Variants in DENND2A observed in about 807,000 individuals in gnomAD.
DENND2A encodes DENN domain-containing protein 2A.
DENND2A carries 53 observed loss-of-function variants against 105.3 expected under a neutral mutation model. That is an observed-to-expected ratio of 0.50 (90% confidence interval 0.40 to 0.63). The LOEUF (loss-of-function observed/expected upper bound fraction) is 0.63. Among genes scored for constraint, DENND2A ranks in the 30% least tolerant of loss-of-function variants. DENND2A has a pLI of 0.00. For missense variants in DENND2A, 1,138 were observed against 1,279.6 expected (o/e 0.89, Z 1.69); for synonymous variants, 522 against 508.4 (o/e 1.03, Z -0.36).
intron 5 of DENND2A, among the ~76,000 whole-genome samples, chr7:140,576,267 TA>T (rs150800586): frequency 0.036 from 5,539 of 152,220 alleles, 344 homozygotes; most frequent in African/African-American, 0.12. Context: ...AATAACTTTT[TA>T]TATGAAAATG....
chr7:140,634,191 G>A (rs1173323156), intron 1 of DENND2A, among the ~76,000 whole-genome samples: 1 of 151,754 alleles, frequency 6.6e-6, no homozygotes, highest in Non-Finnish European at 1.5e-5. Flanking sequence ...GTAGAGACGG[G>A]GTTTCACCGT....
intron 1 of DENND2A, among the ~76,000 whole-genome samples, chr7:140,615,419 AC>A (rs1316344275): frequency 6.6e-6 from 1 of 152,206 alleles, no homozygotes; most frequent in East Asian, 1.9e-4. Context: ...CTGTGCCTGC[AC>A]AAAAGCACCG....
chr7:140,597,260 G>T (rs993719011), intron 3 of DENND2A, among the ~76,000 whole-genome samples: 2 of 152,140 alleles, frequency 1.3e-5, no homozygotes, highest in African/African-American at 4.8e-5. Context: ...ATTCTCTAAG[G>T]CACACACAGC....
At chr7:140,572,751 C>CAAAAAAA (rs59174097) in intron 6 of DENND2A, among the ~76,000 whole-genome samples, 1 of 58,876 alleles carries the variant, frequency 1.7e-5, no homozygotes, top group Non-Finnish European at 3.6e-5. Flanking sequence ...GAAACTCTGT[C>CAAAAAAA]AAAAAAAAAA....
At chr7:140,583,722 G>T (rs1798643486) in intron 5 of DENND2A, among the ~76,000 whole-genome samples, 1 of 149,800 alleles carries the variant, frequency 6.7e-6, no homozygotes, top group Non-Finnish European at 1.5e-5. Context: ...AAGGTCAGGA[G>T]ATCGAGACCA....
intron 10 of DENND2A, among the ~76,000 whole-genome samples, chr7:140,558,704 A>C (rs1366106500): frequency 6.6e-6 from 1 of 151,430 alleles, no homozygotes; most frequent in Non-Finnish European, 1.5e-5. Flanking sequence ...TCAAAAAAAA[A>C]AAAAAAAAAA....
chr7:140,591,639 T>TCCCC, intron 3 of DENND2A, among the ~76,000 whole-genome samples: 1 of 148,822 alleles, frequency 6.7e-6, no homozygotes, highest in African/African-American at 2.6e-5. Context: ...GTTCTTTATT[T>TCCCC]TCCCTCCCTT....
chr7:140,615,860 T>C (rs1297078750), intron 1 of DENND2A, among the ~76,000 whole-genome samples: 1 of 151,936 alleles, frequency 6.6e-6, no homozygotes, highest in African/African-American at 2.4e-5. Context: ...GGCCTACATA[T>C]CATTTTTCTT....
At position 140,616,613 on chromosome 7, in the gene DENND2A, A is replaced by G. The variant is rs575815312; in HGVS notation, c.-247-10807T>C. ...AAGTGAATTATATCCCAATAAAGCCATTATTTAAAAAAAAGAATCGGCAGG... is the reference window on the plus strand; with the variant it reads ...AAGTGAATTATATCCCAATAAAGCCGTTATTTAAAAAAAAGAATCGGCAGG... On this transcript the variant is annotated intron_variant, in intron 1 of 19. Transcript: ENST00000496613. Among the ~76,000 whole-genome samples, 23 of 152,308 alleles carry G rather than the reference A, an allele frequency of 1.5e-4. No individual in the cohort carries two copies. The South Asian group carries it at 4.6e-3, about 30-fold the overall frequency.
intron 1 of DENND2A, among the ~76,000 whole-genome samples, chr7:140,632,375 G>GA (rs1800761918): frequency 6.6e-6 from 1 of 152,084 alleles, no homozygotes. Flanking sequence ...ATGTGGATAA[G>GA]AAAGGTGGTG....
chr7:140,534,539 C>G (rs1796393039), intron 14 of DENND2A, among the ~76,000 whole-genome samples: 1 of 152,162 alleles, frequency 6.6e-6, no homozygotes, highest in South Asian at 2.1e-4. Context: ...ATCCCTGATG[C>G]AAGTGGTAAT....
In DENND2A at chr7:140,602,435, G is replaced by A. The variant is rs557441483; in HGVS notation, c.-38C>T. The A allele has an allele frequency of 2.0e-6, 3 of 1,511,830 alleles. No homozygotes were observed. The highest frequency in any genetic ancestry group is 1.3e-5 in the South Asian group (1 of 76,518). 93.7% of individuals were successfully genotyped at this position (1,511,830 alleles called of 1,614,324 possible). A position where few individuals can be genotyped will look rare whatever the true frequency, so the allele number is the denominator to read the frequency against. On this transcript the variant is annotated 5_prime_UTR_variant, in exon 3 of 20. Transcript: ENST00000496613. ...CGTGAGGTTGTGGAGGCCTTCCAGG[G>A]GACTCCTTCTGAAGCCTGACTCCTG...
At chr7:140,539,057 C>T (rs2130504342) in intron 14 of DENND2A, among the ~76,000 whole-genome samples, 1 of 152,312 alleles carries the variant, frequency 6.6e-6, no homozygotes, top group African/African-American at 2.4e-5. Flanking sequence ...CTCCTGGCCT[C>T]AAGCAATCCA....
rs1229617328 is a variant in DENND2A at position 140,567,050 on chromosome 7, C to A, written c.1779+36G>T. The A allele has an allele frequency of 4.6e-6, 7 of 1,526,032 alleles. No homozygotes were observed. In the South Asian group the frequency reaches 6.3e-5, roughly 14 times the overall value. The allele number at this position is 1,526,032 out of a possible 1,614,324, so 94.5% of individuals were successfully genotyped here. The stretch of plus-strand genomic sequence containing the variant: ...AGTCCCAACAAGGTGATGGTTAGAA[C>A]CCTGGCAGGCCACAGGGACCTGGCC... On this transcript the variant is annotated intron_variant, in intron 9 of 19. Coordinates refer to ENST00000496613, the MANE Select transcript of DENND2A (RefSeq NM_015689.5).
chr7:140,547,586 G>A (rs1481351745), intron 12 of DENND2A, among the ~76,000 whole-genome samples: 3 of 152,128 alleles, frequency 2.0e-5, no homozygotes, highest in Admixed American at 1.3e-4. Flanking sequence ...TTCCTCAAAA[G>A]GTTAAACATA....
At chr7:140,585,817 C>G (rs75640774) in intron 4 of DENND2A, 107 bp from the exon 5 acceptor site, 31,365 of 1,520,196 alleles carry the variant, frequency 0.021, 683 homozygotes, top group African/African-American at 0.11. Context: ...TTCTTGTAGG[C>G]ATATCTGCTG....
intron 1 of DENND2A, among the ~76,000 whole-genome samples, chr7:140,637,148 C>A (rs920876413): frequency 6.6e-6 from 1 of 152,036 alleles, no homozygotes; most frequent in African/African-American, 2.4e-5. Context: ...CTGTGCCTGG[C>A]CAATTTCTTT....
chr7:140,528,856 T>A (rs1429547418), intron 14 of DENND2A, among the ~76,000 whole-genome samples: 1 of 150,468 alleles, frequency 6.6e-6, no homozygotes, highest in African/African-American at 2.4e-5. Context: ...CAGTGACTGA[T>A]GCCTGTAATC....
Position 140,587,662 on chromosome 7 carries a change from C to T in DENND2A, c.1114G>A (p.Asp372Asn). The stretch of plus-strand genomic sequence containing the variant: ...CGCTGTGGCTTCTTACCTAGAATGT[C>T]TTCATAGACGTTCTCCTCCGATAAA... ...RTLSEENVYEDILDPPMKENP... is the reference protein window; with the variant it reads ...RTLSEENVYENILDPPMKENP... Residue 372 changes from aspartate (D) to asparagine (N), a missense_variant, in exon 4 of 20, where the codon GAC becomes AAC. Physicochemically the swap from Asp to Asn is conservative, Grantham distance 23. Coordinates refer to ENST00000496613, the MANE Select transcript of DENND2A (RefSeq NM_015689.5). The T allele has an allele frequency of 1.2e-6, 2 of 1,613,928 alleles. No individual in the cohort carries two copies. Among genetic ancestry groups the T allele is most frequent in the Non-Finnish European group, 1.7e-6 (2 of 1,179,978 alleles).
Sources: gnomAD v4.1 joint callset for allele counts (sites outside exome capture counted in the v4.1 genomes callset) on GRCh38, gnomAD v4.1.1 for gene constraint, MANE v1.5 for transcripts, NCBI Gene and HGNC (gene_info 2026-07-23, HGNC 2026-07-21) for gene names.